CAMK2B: variants seen among roughly 807,000 people sequenced by gnomAD.
CAMK2B encodes calcium/calmodulin dependent protein kinase II beta.
CAMK2B carries 27 observed loss-of-function variants against 93.7 expected under a neutral mutation model. The observed-to-expected ratio is 0.29, with a 90% confidence interval of 0.21 to 0.40. The LOEUF is 0.40. Ranked by LOEUF, CAMK2B falls within the 10% of genes least tolerant of loss-of-function variation. The probability of loss-of-function intolerance (pLI) is 1.00; values close to 1 mark genes in which losing one functional copy is unlikely to be tolerated. For missense variants in CAMK2B, 568 were observed against 895.8 expected (o/e 0.63, Z 4.67); for synonymous variants, 374 against 358.8 (o/e 1.04, Z -0.48).
At chr7:44,259,022 A>G (rs892538906) in intron 3 of CAMK2B, 96 bp from the exon 4 acceptor site, 6 of 1,130,950 alleles carry the variant, frequency 5.3e-6, no homozygotes, top group Non-Finnish European at 7.9e-6. Context: ...CAGCGGTGTA[A>G]GCCCTAGGGC....
Position 44,230,993 on chromosome 7 carries a change from C to G in CAMK2B, c.1225+13G>C. The G allele has an allele frequency of 6.4e-7, 1 of 1,552,564 alleles. No homozygotes were observed. Among genetic ancestry groups the G allele is most frequent in the Non-Finnish European group, 8.7e-7 (1 of 1,147,648 alleles). ...CAAGGCCGCTGGGGGGGCAAGGACT[C>G]AAGTGCAGGTACCTTTAGCGTCTTC... is the stretch of plus-strand genomic sequence containing the variant. On this transcript the variant is annotated intron_variant, in intron 17 of 23. Transcript: ENST00000395749.
rs776187126 is a variant in CAMK2B, at chr7:44,300,022, G to GTGTC, written c.66-15798_66-15797insGACA. On this transcript the variant is annotated intron_variant, in intron 1 of 23. Coordinates refer to ENST00000395749, the MANE Select transcript of CAMK2B (RefSeq NM_001220.5). The stretch of plus-strand genomic sequence containing the variant: ...TATGTATGTATATGTGTATGTGTCT[G>GTGTC]TGTGTGTGTGTGTGTGTGTGTGTGT... Among the ~76,000 whole-genome samples, 593 of 109,958 alleles carry GTGTC rather than the reference G, an allele frequency of 5.4e-3. 2 individuals carry two copies. Among genetic ancestry groups the GTGTC allele is most frequent in the Middle Eastern group, 0.013 (3 of 238 alleles). The allele number at this position is 109,958 out of a possible 152,430, so 72.1% of individuals were successfully genotyped here.
At chr7:44,234,792 A>G in intron 13 of CAMK2B, 116 bp from the exon 14 acceptor site, 1 of 1,137,200 alleles carries the variant, frequency 8.8e-7, no homozygotes, top group Non-Finnish European at 1.3e-6. Context: ...CAGGGTCCTG[A>G]GGCAAGTGTG....
chr7:44,263,804 C>T (rs2096900921), intron 2 of CAMK2B: 2 of 154,182 alleles, frequency 1.3e-5, no homozygotes, highest in Admixed American at 1.3e-4. Flanking sequence ...CTTCCACTGA[C>T]AGAGGGAGGA....
Position 44,226,481 on chromosome 7 carries a change from C to A in CAMK2B, c.1597+35G>T, listed in dbSNP as rs374504836. ...CTCGCACGCCCCGAGCCCCTCCGGG[C>A]AGCCGCTGCCACGGCCACTCAAGGT... On this transcript the variant is annotated intron_variant, in intron 20 of 23. Coordinates refer to ENST00000395749, the MANE Select transcript of CAMK2B (RefSeq NM_001220.5). 1,229 of 1,374,140 alleles carry A rather than the reference C, an allele frequency of 8.9e-4. 10 individuals are homozygous for A. In the African/African-American group the frequency reaches 0.017, roughly 19 times the overall value. The allele number at this position is 1,374,140 out of a possible 1,614,324, so 85.1% of individuals were successfully genotyped here.
intron 1 of CAMK2B, among the ~76,000 whole-genome samples, chr7:44,322,563 C>G (rs778198899): frequency 5.3e-5 from 8 of 152,212 alleles, no homozygotes; most frequent in Non-Finnish European, 1.0e-4. Flanking sequence ...CCATGCCGGG[C>G]TGAGGGCTTC....
intron 2 of CAMK2B, among the ~76,000 whole-genome samples, chr7:44,275,013 T>C (rs537741830): frequency 2.6e-5 from 4 of 152,268 alleles, no homozygotes; most frequent in South Asian, 2.1e-4. Flanking sequence ...AGAACCCAGC[T>C]CCCAGGTCTC....
intron 1 of CAMK2B, among the ~76,000 whole-genome samples, chr7:44,313,110 C>T (rs1793979911): frequency 6.6e-6 from 1 of 152,138 alleles, no homozygotes; most frequent in Non-Finnish European, 1.5e-5. Context: ...GGGCCCATCA[C>T]CCCTGATGGG....
At position 44,243,254 on chromosome 7, in the gene CAMK2B, T is replaced by C. The variant is rs149091142; in HGVS notation, c.597A>G (p.Ala199=). Residue 199 remains alanine, a synonymous_variant, in exon 8 of 24, where the codon GCA becomes GCG. Transcript: ENST00000395749. ...CCAACTCAGGCCAGGCCTCACCACA[T>C]GCCCAGATGTCCACAGGCTTGCCAT... ...EAYGKPVDIW[A]CGVILYILLV... The C allele has an allele frequency of 3.6e-4, 573 of 1,613,226 alleles. 1 individual carries two copies. Among genetic ancestry groups the C allele is most frequent in the Non-Finnish European group, 4.4e-4 (516 of 1,179,322 alleles).
intron 16 of CAMK2B, among the ~76,000 whole-genome samples, chr7:44,232,093 G>T (rs1167876876): frequency 2.0e-5 from 3 of 152,184 alleles, no homozygotes; most frequent in Non-Finnish European, 2.9e-5. Flanking sequence ...CTAGCACCAT[G>T]GGTGCCCCTT....
intron 3 of CAMK2B, among the ~76,000 whole-genome samples, chr7:44,262,046 C>T (rs867237543): frequency 6.6e-6 from 1 of 152,312 alleles, no homozygotes; most frequent in Middle Eastern, 3.4e-3. Context: ...GGGCACCTGC[C>T]CCTCTGCCCA....
At position 44,284,202 on chromosome 7, in the gene CAMK2B, C is replaced by T. The variant is rs2129103901; in HGVS notation, c.89G>A (p.Arg30His). Residue 30 changes from arginine (R) to histidine (H), a missense_variant, in exon 2 of 24, where the codon CGC becomes CAC. By Grantham distance (29) the Arg-to-His change is conservative. Transcript: ENST00000395749. Reference sequence around the variant, plus strand: ...ATGGCCGGTGCAGAGCTTGACACAGCGTCGGACCACAGAGAAAGCCCCCCT... The same window carrying T: ...ATGGCCGGTGCAGAGCTTGACACAGTGTCGGACCACAGAGAAAGCCCCCCT... The part of the protein sequence containing the change: ...IGKGAFSVVR[R>H]CVKLCTGHEY... 2.5e-6 allele frequency: 4 copies of T among 1,613,294 alleles called. No homozygotes were observed. The highest frequency in any genetic ancestry group is 1.7e-6 in the Non-Finnish European group (2 of 1,179,734).
intron 3 of CAMK2B, chr7:44,259,365 A>T: frequency 5.5e-6 from 1 of 183,144 alleles, no homozygotes; most frequent in Non-Finnish European, 1.2e-5. Context: ...TGGGACAAAA[A>T]CCACTCATTA....
chr7:44,276,425 CA>C (rs904047583), intron 2 of CAMK2B, among the ~76,000 whole-genome samples: 23 of 151,146 alleles, frequency 1.5e-4, no homozygotes, highest in African/African-American at 2.5e-4. Flanking sequence ...CCGGAGGCAG[CA>C]CCCCCCCGCC....
chr7:44,273,160 C>CA (rs1307200041), intron 2 of CAMK2B, among the ~76,000 whole-genome samples: 1 of 152,168 alleles, frequency 6.6e-6, no homozygotes, highest in Non-Finnish European at 1.5e-5. Flanking sequence ...AGCTCTCTGC[C>CA]AACCCATGGA....
chr7:44,305,036 C>T (rs752884776), intron 1 of CAMK2B, among the ~76,000 whole-genome samples: 2 of 151,348 alleles, frequency 1.3e-5, no homozygotes, highest in African/African-American at 2.5e-5. Flanking sequence ...TATATATTTG[C>T]CATATAGTGA....
intron 1 of CAMK2B, among the ~76,000 whole-genome samples, chr7:44,317,348 CTG>C (rs1276313075): frequency 6.6e-6 from 1 of 151,566 alleles, no homozygotes; most frequent in Non-Finnish European, 1.5e-5. Flanking sequence ...CTGGTCCAAA[CTG>C]AGATGTGCCG....
At chr7:44,318,163 C>A (rs1367293674) in intron 1 of CAMK2B, among the ~76,000 whole-genome samples, 1 of 152,196 alleles carries the variant, frequency 6.6e-6, no homozygotes, top group Non-Finnish European at 1.5e-5. Flanking sequence ...TCAGGCAGCA[C>A]CTCAACAAAC....
At chr7:44,284,888 G>A (rs1042554151) in intron 1 of CAMK2B, among the ~76,000 whole-genome samples, 1 of 152,190 alleles carries the variant, frequency 6.6e-6, no homozygotes, top group Non-Finnish European at 1.5e-5. Context: ...GAGTAAGGGC[G>A]AAGGGACATT....
Sources: gnomAD v4.1 joint callset for allele counts (sites outside exome capture counted in the v4.1 genomes callset) on GRCh38, gnomAD v4.1.1 for gene constraint, MANE v1.5 for transcripts, NCBI Gene and HGNC (gene_info 2026-07-23, HGNC 2026-07-21) for gene names.